ABCC9: variants seen among roughly 807,000 people sequenced by gnomAD.
ABCC9 encodes the protein ATP binding cassette subfamily C member 9, also known as ATP-binding cassette sub-family C member 9.
Under a neutral mutation model 188.3 loss-of-function variants are expected in ABCC9, and 95 were observed. That is an observed-to-expected ratio of 0.50 (90% CI 0.43 to 0.60). The LOEUF (loss-of-function observed/expected upper bound fraction) is 0.60, where lower values mean the gene tolerates loss of function less well. Ranked by LOEUF, ABCC9 falls within the 20% of genes least tolerant of loss-of-function variation. The pLI is 0.00. For synonymous variants in ABCC9, 659 were observed against 652.7 expected (o/e 1.01, Z -0.15); for missense variants, 1,102 against 1,876.3 (o/e 0.59, Z 7.62).
chr12:21,846,596 G>A (rs1944684097), intron 25 of ABCC9, among the ~76,000 whole-genome samples: 1 of 152,124 alleles, frequency 6.6e-6, no homozygotes, highest in South Asian at 2.1e-4. Context: ...TTAGACCACA[G>A]GGATCCAAAT....
intron 22 of ABCC9, among the ~76,000 whole-genome samples, chr12:21,855,490 A>C (rs1467304751): frequency 7.2e-5 from 11 of 152,122 alleles, no homozygotes; most frequent in African/African-American, 2.7e-4. Context: ...CCAAAGTGCT[A>C]GGATTACAGG....
intron 36 of ABCC9, among the ~76,000 whole-genome samples, chr12:21,810,222 C>T (rs1487673680): frequency 1.3e-5 from 2 of 152,072 alleles, no homozygotes; most frequent in Non-Finnish European, 2.9e-5. Flanking sequence ...AGTTTGTTAC[C>T]TAGCTCCATT....
At chr12:21,869,442 T>A (rs1333070895) in intron 18 of ABCC9, 3 of 152,220 alleles carry the variant, frequency 2.0e-5, no homozygotes, top group Non-Finnish European at 2.9e-5. Flanking sequence ...CAAGTCCGAA[T>A]CATTTTTTCA....
At chr12:21,897,052 T>C (rs924526077) in intron 12 of ABCC9, among the ~76,000 whole-genome samples, 12 of 152,212 alleles carry the variant, frequency 7.9e-5, no homozygotes, top group African/African-American at 2.9e-4. Flanking sequence ...TGTAAAAGCA[T>C]TCCTGTTTCT....
At chr12:21,844,462 G>C (rs1944530780) in intron 28 of ABCC9, 21 bp downstream of exon 28, 2 of 1,600,116 alleles carry the variant, frequency 1.2e-6, no homozygotes, top group African/African-American at 1.3e-5. Context: ...TTTTGAACTT[G>C]GAAGTAACCC....
At chr12:21,806,278 G>A (rs1157431754) in intron 38 of ABCC9, among the ~76,000 whole-genome samples, 3 of 152,162 alleles carry the variant, frequency 2.0e-5, no homozygotes, top group African/African-American at 7.2e-5. Flanking sequence ...TGATCAGCCA[G>A]AAGTGGGTGA....
At position 21,844,843 on chromosome 12, in the gene ABCC9, C is replaced by T; in HGVS notation, c.3169G>A (p.Val1057Ile). The T allele has an allele frequency of 1.2e-6, 2 of 1,613,922 alleles. No individual in the cohort carries two copies. Among genetic ancestry groups the T allele is most frequent in the Non-Finnish European group, 1.7e-6 (2 of 1,179,864 alleles). ...IFLCLVTSLT[V>I]EWMGLTAAKN... ...GCAGCTGTGAGACCCATCCATTCTA[C>T]AGTGAGGGATGTAACAAGGCAAAGG... The change falls in exon 27 of 40, where the codon GTA becomes ATA. Residue 1057 changes from valine (V) to isoleucine (I), a missense_variant. Val to Ile is a conservative substitution (Grantham distance 29). Coordinates refer to ENST00000261200, the MANE Select transcript of ABCC9 (RefSeq NM_020297.4).
At chr12:21,875,067 T>C (rs1946273785) in intron 17 of ABCC9, among the ~76,000 whole-genome samples, 1 of 136,890 alleles carries the variant, frequency 7.3e-6, no homozygotes, top group South Asian at 2.4e-4. Context: ...TAAGTGTTCT[T>C]CCCACAAAAA....
Position 21,922,205 on chromosome 12 carries a change from A to T in ABCC9, c.406+3737T>A, listed in dbSNP as rs142622104. ...TATTTTTCCAGTCCATGAATATGGA[A>T]TATCTTTCCATTTATTTGTATCTTC... On this transcript the variant is annotated intron_variant, in intron 5 of 39. Coordinates refer to ENST00000261200, the MANE Select transcript of ABCC9 (RefSeq NM_020297.4). Among the ~76,000 whole-genome samples the T allele has an allele frequency of 4.0e-3, 615 of 152,152 alleles. 4 individuals carry two copies. The highest frequency in any genetic ancestry group is 0.014 in the African/African-American group (589 of 41,566).
intron 18 of ABCC9, among the ~76,000 whole-genome samples, chr12:21,865,823 G>C (rs1363537091): frequency 2.0e-5 from 3 of 152,090 alleles, no homozygotes; most frequent in Non-Finnish European, 1.5e-5. Flanking sequence ...CCACACGTTA[G>C]AGATACAGCA....
At chr12:21,933,543 A>G (rs1949368206) in intron 4 of ABCC9, among the ~76,000 whole-genome samples, 1 of 152,120 alleles carries the variant, frequency 6.6e-6, no homozygotes. Flanking sequence ...TAATTAATAT[A>G]TTAACATAAG....
chr12:21,925,219 T>C (rs776407886), intron 5 of ABCC9: 6 of 325,420 alleles, frequency 1.8e-5, no homozygotes, highest in Non-Finnish European at 3.3e-5. Flanking sequence ...CTCCAAGGAA[T>C]ACAGTGATGG....
chr12:21,872,503 C>T, intron 18 of ABCC9, 122 bp downstream of exon 18: 2 of 749,734 alleles, frequency 2.7e-6, no homozygotes, highest in Non-Finnish European at 4.6e-6. Context: ...TTTTTTAAAG[C>T]TGTGCTTATT....
At chr12:21,928,211 C>T (rs1386025362) in intron 4 of ABCC9, among the ~76,000 whole-genome samples, 1 of 138,424 alleles carries the variant, frequency 7.2e-6, no homozygotes, top group African/African-American at 2.6e-5. Context: ...CAGAGCAAGA[C>T]TCTGTCTCAA....
At chr12:21,820,598 G>A (rs541619348) in intron 31 of ABCC9, among the ~76,000 whole-genome samples, 1 of 151,934 alleles carries the variant, frequency 6.6e-6, no homozygotes, top group African/African-American at 2.4e-5. Flanking sequence ...TGTCTACTCT[G>A]ACCTCATCTG....
At chr12:21,938,886 T>A (rs1162253188) in intron 2 of ABCC9, among the ~76,000 whole-genome samples, 1 of 152,098 alleles carries the variant, frequency 6.6e-6, no homozygotes, top group Admixed American at 6.6e-5. Context: ...ACCTGAAAAA[T>A]TTAAGAACAT....
At chr12:21,885,847 A>G (rs796158039) in intron 15 of ABCC9, among the ~76,000 whole-genome samples, 12 of 152,250 alleles carry the variant, frequency 7.9e-5, no homozygotes, top group African/African-American at 2.9e-4. Flanking sequence ...ATATATAACC[A>G]CAAGATTGCC....
At chr12:21,851,721 G>A (rs1334346537) in intron 24 of ABCC9, among the ~76,000 whole-genome samples, 3 of 152,164 alleles carry the variant, frequency 2.0e-5, no homozygotes, top group Admixed American at 2.0e-4. Flanking sequence ...ATTTGTAGGT[G>A]GTTAGTGAAA....
chr12:21,802,575 G>A (rs1358220559), intron 39 of ABCC9, among the ~76,000 whole-genome samples: 11 of 152,136 alleles, frequency 7.2e-5, no homozygotes, highest in African/African-American at 2.7e-4. Flanking sequence ...TTAAGTCTTT[G>A]AAATCCAGTA....
Sources: gnomAD v4.1 joint callset for allele counts (sites outside exome capture counted in the v4.1 genomes callset) on GRCh38, gnomAD v4.1.1 for gene constraint, MANE v1.5 for transcripts, NCBI Gene and HGNC (gene_info 2026-07-23, HGNC 2026-07-21) for gene names.